Variants in PHOX2B observed in about 807,000 individuals in gnomAD.
The protein encoded by PHOX2B is paired mesoderm homeobox protein 2B.
A neutral mutation model predicts 15.5 loss-of-function variants in PHOX2B; 1 was observed. That is an observed-to-expected ratio of 0.06 (90% CI 0.02 to 0.31). PHOX2B has a LOEUF of 0.31. Among genes scored for constraint, PHOX2B ranks in the 10% least tolerant of loss-of-function variants. PHOX2B has a pLI of 1.00. For missense variants in PHOX2B, 314 were observed against 436.4 expected, an observed-to-expected ratio of 0.72 and a Z score of 2.50; for synonymous variants, 206 against 190.5, an observed-to-expected ratio of 1.08 and a Z score of -0.67.
rs1023117234 is a variant in PHOX2B at position 41,744,411 on chromosome 4, A to T, written c.*1396T>A. ...CCATAGAGACTACAAGAAGAGAAAA[A>T]CATTATACGGTCACGTAGAGGAGAC... On this transcript the variant is annotated 3_prime_UTR_variant, in exon 3 of 3. Coordinates refer to ENST00000226382, the MANE Select transcript of PHOX2B (RefSeq NM_003924.4). The T allele has an allele frequency of 8.6e-6, 2 of 231,462 alleles. No individual in the cohort carries two copies. The highest frequency in any genetic ancestry group is 4.4e-5 in the African/African-American group (2 of 45,220). 14.3% of individuals were successfully genotyped at this position (231,462 alleles called of 1,614,324 possible). A position where few individuals can be genotyped will look rare whatever the true frequency, so the allele number is the denominator to read the frequency against.
At position 41,744,715 on chromosome 4, in the gene PHOX2B, C is replaced by A. The variant is rs1032871765; in HGVS notation, c.*1092G>T. 2 of 233,426 alleles carry A rather than the reference C, an allele frequency of 8.6e-6. No individual in the cohort carries two copies. Among genetic ancestry groups the A allele is most frequent in the African/African-American group, 2.2e-5 (1 of 45,290 alleles). 14.5% of individuals were successfully genotyped at this position (233,426 alleles called of 1,614,324 possible). A position where few individuals can be genotyped will look rare whatever the true frequency, so the allele number is the denominator to read the frequency against. On this transcript the variant is annotated 3_prime_UTR_variant, in exon 3 of 3. Coordinates refer to ENST00000226382, the MANE Select transcript of PHOX2B (RefSeq NM_003924.4). ...CTGCAAACGTGTGTGTGTGCCTTTTCCTTGCTCGGTAGATTTCTCTGCAGC... is the reference window on the plus strand; with the variant it reads ...CTGCAAACGTGTGTGTGTGCCTTTTACTTGCTCGGTAGATTTCTCTGCAGC...
rs941199874 is a variant in PHOX2B at position 41,744,596 on chromosome 4, G to T, written c.*1211C>A. 2 of 233,400 alleles carry T rather than the reference G, an allele frequency of 8.6e-6. No homozygotes were observed. Among genetic ancestry groups the T allele is most frequent in the African/African-American group, 4.4e-5 (2 of 45,320 alleles). 14.5% of individuals were successfully genotyped at this position (233,400 alleles called of 1,614,324 possible). A position where few individuals can be genotyped will look rare whatever the true frequency, so the allele number is the denominator to read the frequency against. The stretch of plus-strand genomic sequence containing the variant: ...ATCAAAACAGAGATGTCTAAACTGC[G>T]CGAAGAATGGAACCCTCAATATACA... On this transcript the variant is annotated 3_prime_UTR_variant, in exon 3 of 3. Coordinates refer to ENST00000226382, the MANE Select transcript of PHOX2B (RefSeq NM_003924.4).
rs1733856575 is a variant in PHOX2B at position 41,745,577 on chromosome 4, G to A, written c.*230C>T. 1.9e-6 allele frequency: 1 copy of A among 520,274 alleles called. No homozygotes were observed. The highest frequency in any genetic ancestry group is 4.0e-5 in the Admixed American group (1 of 25,088). The allele number at this position is 520,274 out of a possible 1,614,324, so 32.2% of individuals were successfully genotyped here. A position where few individuals can be genotyped will look rare whatever the true frequency, so the allele number is the denominator to read the frequency against. On this transcript the variant is annotated 3_prime_UTR_variant, in exon 3 of 3. Coordinates refer to ENST00000226382, the MANE Select transcript of PHOX2B (RefSeq NM_003924.4). The surrounding 1 kb of genome is among the most constrained non-coding windows in gnomAD (Gnocchi z 4.0). ...GAGGCCCCAGGCAGGTGCGAAGCCA[G>A]GGAAGTTTGTTTGTTTTGTTTGGGG...
chr4:41,745,271 TG>T lies in PHOX2B; in HGVS notation c.*535del, dbSNP rs1233062674. On this transcript the variant is annotated 3_prime_UTR_variant, in exon 3 of 3. Transcript: ENST00000226382. This position sits in a 1 kb window ranked among gnomAD's most constrained non-coding sequence, Gnocchi z 4.0. The stretch of plus-strand genomic sequence containing the variant: ...CTTTAATTTGTCTTTTTTTTCCTTA[TG>T]TTTTTTAAACCTTTCTGGGTTGTTG... The T allele has an allele frequency of 4.3e-6, 1 of 233,576 alleles. No homozygotes were observed. Among genetic ancestry groups the T allele is most frequent in the Non-Finnish European group, 8.5e-6 (1 of 118,254 alleles). 14.5% of individuals were successfully genotyped at this position (233,576 alleles called of 1,614,324 possible).
intron 2 of PHOX2B, 36 bp downstream of exon 2, chr4:41,747,313 T>A (rs766544036): frequency 6.4e-7 from 1 of 1,566,706 alleles, no homozygotes; most frequent in African/African-American, 1.3e-5. Context: ...CCCGGACCAG[T>A]GCGGCGGAGC....
rs1253653929 is a variant in PHOX2B at position 41,744,531 on chromosome 4, C to T, written c.*1276G>A. ...TAAAGCCTCAACATTCAACTAATAT[C>T]TAGAGTTTGTGCCTTTTAAAATAAA... On this transcript the variant is annotated 3_prime_UTR_variant, in exon 3 of 3. Coordinates refer to ENST00000226382, the MANE Select transcript of PHOX2B (RefSeq NM_003924.4). 1 of 233,248 alleles carries T rather than the reference C, an allele frequency of 4.3e-6. No homozygotes were observed. Among genetic ancestry groups the T allele is most frequent in the Non-Finnish European group, 8.5e-6 (1 of 117,850 alleles). The allele number at this position is 233,248 out of a possible 1,614,324, so 14.4% of individuals were successfully genotyped here. A position where few individuals can be genotyped will look rare whatever the true frequency, so the allele number is the denominator to read the frequency against.
At position 41,744,145 on chromosome 4, in the gene PHOX2B, T is replaced by A. The variant is rs1063611; in HGVS notation, c.*1662A>T. On this transcript the variant is annotated 3_prime_UTR_variant, in exon 3 of 3. Coordinates refer to ENST00000226382, the MANE Select transcript of PHOX2B (RefSeq NM_003924.4). ...AATGGTACACTCTTGGAAAACTATA[T>A]GCACATGTAGAAATATTTCCCTTTT... 0.049 allele frequency: 9,379 copies of A among 190,756 alleles called. 347 individuals carry two copies. Among genetic ancestry groups the A allele is most frequent in the Non-Finnish European group, 0.071 (6,429 of 90,774 alleles). 11.8% of individuals were successfully genotyped at this position (190,756 alleles called of 1,614,324 possible).
rs1413093395 is a variant in PHOX2B, at chr4:41,747,343, G to T, written c.429+6C>A. ...CGGAGCGGGGTCGGTTTCCAGGCGC[G>T]CGTACCTGGACTCGCGCCTCTGTGA... is the stretch of plus-strand genomic sequence containing the variant. On this transcript the variant is annotated splice_donor_region_variant and intron_variant, in intron 2 of 2. Coordinates refer to ENST00000226382, the MANE Select transcript of PHOX2B (RefSeq NM_003924.4). 4 of 1,603,542 alleles carry T rather than the reference G, an allele frequency of 2.5e-6. No individual in the cohort carries two copies. The highest frequency in any genetic ancestry group is 2.5e-6 in the Non-Finnish European group (3 of 1,179,128).
In PHOX2B at chr4:41,746,225, G is replaced by C; in HGVS notation, c.527C>G (p.Ser176Cys). The change falls in exon 3 of 3, where the codon TCT (serine) becomes TGT (cysteine). Residue 176 changes from serine to cysteine, a missense_variant. By Grantham distance (112) the Ser-to-Cys change is moderately radical. Transcript: ENST00000226382. ...AAKNGSSGKK[S>C]DSSRDDESKE... is the part of the protein sequence containing the mutation. ...GCTCTCGTCGTCCCTGGAAGAGTCA[G>C]ACTTTTTGCCCGAGGAGCCGTTCTT... 6.2e-7 allele frequency: 1 copy of C among 1,613,936 alleles called. No individual in the cohort carries two copies.
intron 2 of PHOX2B, among the ~76,000 whole-genome samples, chr4:41,746,737 C>T: frequency 6.6e-6 from 1 of 152,230 alleles, no homozygotes; most frequent in East Asian, 1.9e-4. Flanking sequence ...TGGGTTTGCT[C>T]CGCTGCCCAT....
chr4:41,746,005 TGCCGCGGCCGCCGCC>T lies in PHOX2B; in HGVS notation c.732_746del (p.Ala256_Ala260del). 8.7e-7 allele frequency: 1 copy of T among 1,148,022 alleles called. No homozygotes were observed. The highest frequency in any genetic ancestry group is 1.1e-6 in the Non-Finnish European group (1 of 934,618). 71.1% of individuals were successfully genotyped at this position (1,148,022 alleles called of 1,614,324 possible). A position where few individuals can be genotyped will look rare whatever the true frequency, so the allele number is the denominator to read the frequency against. ...CCGCTGCCGCTGCCGCCGCCGCCGC[TGCCGCGGCCGCCGCC>T]GCTGCTGCTGCGCCGCCCTTGCCGG... On this transcript the variant is annotated inframe_deletion, in exon 3 of 3. Coordinates refer to ENST00000226382, the MANE Select transcript of PHOX2B (RefSeq NM_003924.4).
chr4:41,745,775 C>G lies in PHOX2B; in HGVS notation c.*32G>C, dbSNP rs1434954969. ...GCCCGGGCCCTGGCTCGCCCGCTGT[C>G]GCCGCCGCCGCCGCCGCCGCAGGAT... On this transcript the variant is annotated 3_prime_UTR_variant, in exon 3 of 3. Transcript: ENST00000226382. The surrounding 1 kb of genome is among the most constrained non-coding windows in gnomAD (Gnocchi z 4.0). The G allele has an allele frequency of 1.3e-6, 2 of 1,519,644 alleles. No individual in the cohort carries two copies. Among genetic ancestry groups the G allele is most frequent in the Non-Finnish European group, 1.8e-6 (2 of 1,126,398 alleles). The allele number at this position is 1,519,644 out of a possible 1,614,324, so 94.1% of individuals were successfully genotyped here.
intron 1 of PHOX2B, 51 bp downstream of exon 1, chr4:41,748,319 T>C: frequency 6.2e-7 from 1 of 1,605,838 alleles, no homozygotes; most frequent in African/African-American, 1.3e-5. Flanking sequence ...AGGCTTCCTA[T>C]ATACGGGCGG....
chr4:41,748,127 T>G (rs1361836858), intron 1 of PHOX2B, among the ~76,000 whole-genome samples: 1 of 152,230 alleles, frequency 6.6e-6, no homozygotes. Flanking sequence ...AAATAAATTA[T>G]GCCTATCATT....
chr4:41,747,455 G>A lies in PHOX2B; in HGVS notation c.323C>T (p.Ala108Val), dbSNP rs956551152. 1 of 1,610,972 alleles carries A rather than the reference G, an allele frequency of 6.2e-7. No homozygotes were observed. The highest frequency in any genetic ancestry group is 8.5e-7 in the Non-Finnish European group (1 of 1,179,366). ...GACCCTTTCCAGCTCTTTGAGCTGG[G>A]CACTGGTGAAAGTGGTGCGGATGCG... Reference protein sequence around the residue: ...QRRIRTTFTSAQLKELERVFA... With the variant: ...QRRIRTTFTSVQLKELERVFA... The change falls in exon 2 of 3, where the codon GCC (alanine) becomes GTC (valine). Residue 108 changes from alanine (A) to valine (V), a missense_variant. Physicochemically the swap from Ala to Val is moderately conservative, Grantham distance 64. Around this residue, in one of 7 missense-constraint regions of PHOX2B, gnomAD observed 102 missense variants for 155.1 expected, o/e 0.66. Transcript: ENST00000226382.
At position 41,747,768 on chromosome 4, in the gene PHOX2B, G is replaced by T. The variant is rs1168285751; in HGVS notation, c.242-232C>A. 1.3e-5 allele frequency: 9 copies of T among 688,612 alleles called. No homozygotes were observed. The Admixed American group carries it at 1.8e-4, about 14-fold the overall frequency. 42.7% of individuals were successfully genotyped at this position (688,612 alleles called of 1,614,324 possible). On this transcript the variant is annotated intron_variant, in intron 1 of 2. Coordinates refer to ENST00000226382, the MANE Select transcript of PHOX2B (RefSeq NM_003924.4). ...GTCCTTTCTGGCACAAGCGCCTTTG[G>T]GTGGATTGAAACAGCGCGATGTGAC...
At position 41,746,020 on chromosome 4, in the gene PHOX2B, C is replaced by G. The variant is rs1185437293; in HGVS notation, c.732G>C (p.Ala244=). Residue 244 remains alanine (A), a synonymous_variant, in exon 3 of 3, where the codon GCG becomes GCC. Transcript: ENST00000226382. The stretch of plus-strand genomic sequence containing the variant: ...CCGCCGCCGCTGCCGCGGCCGCCGC[C>G]GCTGCTGCTGCGCCGCCCTTGCCGG... ...GEPGKGGAAA[A]AAAAAAAAAA... The G allele has an allele frequency of 8.6e-7, 1 of 1,160,860 alleles. No individual in the cohort carries two copies. The highest frequency in any genetic ancestry group is 1.1e-6 in the Non-Finnish European group (1 of 945,834). The allele number at this position is 1,160,860 out of a possible 1,614,324, so 71.9% of individuals were successfully genotyped here. A position where few individuals can be genotyped will look rare whatever the true frequency, so the allele number is the denominator to read the frequency against.
chr4:41,745,222 C>T lies in PHOX2B; in HGVS notation c.*585G>A, dbSNP rs970039324. Reference sequence around the variant, plus strand: ...CACAAGATCGAGCCTTCAGCTCCAGCTGCAGCTTCTCCCCTAGCCCCTCCT... The same window carrying T: ...CACAAGATCGAGCCTTCAGCTCCAGTTGCAGCTTCTCCCCTAGCCCCTCCT... On this transcript the variant is annotated 3_prime_UTR_variant, in exon 3 of 3. Coordinates refer to ENST00000226382, the MANE Select transcript of PHOX2B (RefSeq NM_003924.4). The surrounding 1 kb of genome is among the most constrained non-coding windows in gnomAD (Gnocchi z 4.0). The T allele has an allele frequency of 8.6e-6, 2 of 233,420 alleles. No individual in the cohort carries two copies. The highest frequency in any genetic ancestry group is 1.7e-5 in the Non-Finnish European group (2 of 118,252). The allele number at this position is 233,420 out of a possible 1,614,324, so 14.5% of individuals were successfully genotyped here. A position where few individuals can be genotyped will look rare whatever the true frequency, so the allele number is the denominator to read the frequency against.
chr4:41,744,712 T>C lies in PHOX2B; in HGVS notation c.*1095A>G, dbSNP rs1367173724. 1 of 233,480 alleles carries C rather than the reference T, an allele frequency of 4.3e-6. No individual in the cohort carries two copies. The highest frequency in any genetic ancestry group is 6.0e-5 in the East Asian group (1 of 16,558). 14.5% of individuals were successfully genotyped at this position (233,480 alleles called of 1,614,324 possible). A position where few individuals can be genotyped will look rare whatever the true frequency, so the allele number is the denominator to read the frequency against. ...CCCCTGCAAACGTGTGTGTGTGCCT[T>C]TTCCTTGCTCGGTAGATTTCTCTGC... On this transcript the variant is annotated 3_prime_UTR_variant, in exon 3 of 3. Coordinates refer to ENST00000226382, the MANE Select transcript of PHOX2B (RefSeq NM_003924.4).
Sources: gnomAD v4.1 joint callset for allele counts (sites outside exome capture counted in the v4.1 genomes callset) on GRCh38, gnomAD v4.1.1 for gene constraint, gnomAD v4.1.1 regional missense constraint, Gnocchi (gnomAD v3.1) non-coding constraint, MANE v1.5 for transcripts, NCBI Gene and HGNC (gene_info 2026-07-23, HGNC 2026-07-21) for gene names.